The following KCNAB1 variants were observed in gnomAD, a reference collection of about 807,000 sequenced individuals.
KCNAB1 encodes the protein potassium voltage-gated channel subfamily A regulatory beta subunit 1.
A neutral mutation model predicts 64.6 loss-of-function variants in KCNAB1; 35 were observed. The observed-to-expected ratio is 0.54, with a 90% CI of 0.41 to 0.72. KCNAB1 has a LOEUF of 0.72. KCNAB1 is among the 30% of genes least tolerant of loss of function. The probability of loss-of-function intolerance (pLI) is 0.00; values close to 1 mark genes in which losing one functional copy is unlikely to be tolerated. For missense variants in KCNAB1, 401 were observed against 512.9 expected, an observed-to-expected ratio of 0.78 and a Z score of 2.11; for synonymous variants, 177 against 183.8, an observed-to-expected ratio of 0.96 and a Z score of 0.30.
chr3:156,335,210 C>T (rs925720408), intron 1 of KCNAB1, among the ~76,000 whole-genome samples: 1 of 152,194 alleles, frequency 6.6e-6, no homozygotes, highest in Non-Finnish European at 1.5e-5. Flanking sequence ...TCCTTCAATC[C>T]AGGATGCATT....
chr3:156,407,951 T>A (rs1385925160), intron 1 of KCNAB1, among the ~76,000 whole-genome samples: 1 of 152,198 alleles, frequency 6.6e-6, no homozygotes, highest in Non-Finnish European at 1.5e-5. Context: ...TGTTTCTGGC[T>A]GAGGGCTGAT....
intron 1 of KCNAB1, among the ~76,000 whole-genome samples, chr3:156,217,331 G>GCAA (rs1298836107): frequency 6.6e-6 from 1 of 152,114 alleles, no homozygotes; most frequent in Non-Finnish European, 1.5e-5. Flanking sequence ...GTTAACAACA[G>GCAA]CAACAACAAC....
chr3:156,482,624 A>T (rs1714912141), intron 8 of KCNAB1, among the ~76,000 whole-genome samples: 1 of 152,094 alleles, frequency 6.6e-6, no homozygotes, highest in Non-Finnish European at 1.5e-5. Flanking sequence ...GTCAGACCTC[A>T]ATTCAAATCC....
intron 1 of KCNAB1, among the ~76,000 whole-genome samples, chr3:156,185,395 C>G (rs1240687671): frequency 6.6e-6 from 1 of 152,206 alleles, no homozygotes; most frequent in Non-Finnish European, 1.5e-5. Context: ...CCCTAGCCAG[C>G]TGGGGAGGCA....
chr3:156,189,010 G>T (rs1274923942), intron 1 of KCNAB1, among the ~76,000 whole-genome samples: 1 of 152,122 alleles, frequency 6.6e-6, no homozygotes, highest in Non-Finnish European at 1.5e-5. Flanking sequence ...TGGATCTGGA[G>T]CCTACCTTGA....
chr3:156,289,323 T>C (rs932308376), intron 1 of KCNAB1, among the ~76,000 whole-genome samples: 2 of 152,246 alleles, frequency 1.3e-5, no homozygotes, highest in Admixed American at 1.3e-4. Flanking sequence ...AGACGGATGA[T>C]TATCCATTCA....
At chr3:156,531,057 A>G (rs1718669263) in intron 12 of KCNAB1, among the ~76,000 whole-genome samples, 1 of 152,230 alleles carries the variant, frequency 6.6e-6, no homozygotes, top group Non-Finnish European at 1.5e-5. Flanking sequence ...AGAGACATAT[A>G]GTAGGCTAGC....
intron 1 of KCNAB1, among the ~76,000 whole-genome samples, chr3:156,186,790 C>G (rs1214944473): frequency 6.6e-6 from 1 of 151,886 alleles, no homozygotes; most frequent in African/African-American, 2.4e-5. Context: ...AGCCCTCCCT[C>G]CCTTTTATAC....
chr3:156,287,733 C>G (rs1293236594), intron 1 of KCNAB1, among the ~76,000 whole-genome samples: 3 of 151,710 alleles, frequency 2.0e-5, no homozygotes, highest in Non-Finnish European at 4.4e-5. Flanking sequence ...AGGAGAATTG[C>G]CTGAACCCAG....
intron 1 of KCNAB1, among the ~76,000 whole-genome samples, chr3:156,313,013 C>T (rs1722030437): frequency 6.6e-6 from 1 of 152,286 alleles, no homozygotes; most frequent in Non-Finnish European, 1.5e-5. Flanking sequence ...CTGCACCTCA[C>T]CCAGTATTGC....
intron 1 of KCNAB1, among the ~76,000 whole-genome samples, chr3:156,363,762 C>T (rs1315582797): frequency 1.3e-5 from 2 of 152,202 alleles, no homozygotes; most frequent in African/African-American, 4.8e-5. Context: ...AGGCATGAAC[C>T]ACCGCACCTG....
chr3:156,223,626 T>C lies in KCNAB1; in HGVS notation c.275+102740T>C, dbSNP rs547923753. 3.3e-5 allele frequency among the ~76,000 whole-genome samples: 5 copies of C among 152,240 alleles called. No homozygotes were observed. In the East Asian group the frequency reaches 9.7e-4, roughly 29 times the overall value. ...AGAGTGCTGATTGGTGTATTTACAA[T>C]CCCTTAGCTAGACATAAAGGTTCTC... is the stretch of plus-strand genomic sequence containing the variant. On this transcript the variant is annotated intron_variant, in intron 1 of 13. Transcript: ENST00000490337.
At chr3:156,337,349 A>G (rs1723781701) in intron 1 of KCNAB1, among the ~76,000 whole-genome samples, 1 of 152,226 alleles carries the variant, frequency 6.6e-6, no homozygotes, top group South Asian at 2.1e-4. Flanking sequence ...AGAGAGCTAA[A>G]TAATAATGGT....
intron 1 of KCNAB1, among the ~76,000 whole-genome samples, chr3:156,229,768 C>T (rs1371042130): frequency 6.6e-6 from 1 of 152,162 alleles, no homozygotes; most frequent in Non-Finnish European, 1.5e-5. Context: ...CTTGCTTCCT[C>T]TCCAGTTGGG....
intron 1 of KCNAB1, among the ~76,000 whole-genome samples, chr3:156,175,672 G>A (rs556223313): frequency 2.6e-5 from 4 of 152,180 alleles, no homozygotes; most frequent in African/African-American, 9.6e-5. Flanking sequence ...TAGAGGCCAC[G>A]GGGAGCTTGC....
At chr3:156,354,450 C>G (rs1271260431) in intron 1 of KCNAB1, among the ~76,000 whole-genome samples, 1 of 151,762 alleles carries the variant, frequency 6.6e-6, no homozygotes, top group Non-Finnish European at 1.5e-5. Flanking sequence ...CATGAGCCAC[C>G]GTGCCCAGCC....
intron 1 of KCNAB1, among the ~76,000 whole-genome samples, chr3:156,412,310 A>G (rs1374956486): frequency 1.3e-5 from 2 of 152,236 alleles, no homozygotes; most frequent in Non-Finnish European, 2.9e-5. Context: ...ATAGACAATC[A>G]TATCTTCGAT....
chr3:156,159,384 A>T (rs1046542827), intron 1 of KCNAB1, among the ~76,000 whole-genome samples: 5 of 152,210 alleles, frequency 3.3e-5, no homozygotes, highest in Non-Finnish European at 7.3e-5. Context: ...TAAAAGTAAG[A>T]AGAGAAACTG....
chr3:156,489,302 G>A (rs1715450663), intron 8 of KCNAB1, among the ~76,000 whole-genome samples: 1 of 152,096 alleles, frequency 6.6e-6, no homozygotes, highest in Non-Finnish European at 1.5e-5. Context: ...GAGAGGATGG[G>A]GAGAAGCGTG....
Sources: gnomAD v4.1 joint callset for allele counts (sites outside exome capture counted in the v4.1 genomes callset) on GRCh38, gnomAD v4.1.1 for gene constraint, MANE v1.5 for transcripts, NCBI Gene and HGNC (gene_info 2026-07-23, HGNC 2026-07-21) for gene names.